PLSCR1: variants seen among roughly 807,000 people sequenced by gnomAD.
PLSCR1 encodes PL scramblase 1.
A neutral mutation model predicts 37.8 loss-of-function variants in PLSCR1; 17 were observed. The ratio of observed to expected loss-of-function variants is 0.45; its 90% CI spans 0.31 to 0.68. The LOEUF (loss-of-function observed/expected upper bound fraction) is 0.68, where lower values mean the gene tolerates loss of function less well. Ranked by LOEUF, PLSCR1 falls within the 30% of genes least tolerant of loss-of-function variation. PLSCR1 has a pLI of 0.06. For missense variants in PLSCR1, 347 were observed against 380.9 expected, an observed-to-expected ratio of 0.91 and a Z score of 0.74; for synonymous variants, 116 against 125.9, an observed-to-expected ratio of 0.92 and a Z score of 0.53.
intron 3 of PLSCR1, among the ~76,000 whole-genome samples, chr3:146,530,898 A>G (rs2044189049): frequency 6.6e-6 from 1 of 152,238 alleles, no homozygotes; most frequent in Admixed American, 6.5e-5. Context: ...GTGGAAAAGC[A>G]TTAGAATTTA....
rs2043960304 is a variant in PLSCR1, at chr3:146,517,302, C to T, written c.739-135G>A. 6.9e-6 allele frequency: 3 copies of T among 432,940 alleles called. No homozygotes were observed. In the South Asian group the frequency reaches 2.1e-4, roughly 30 times the overall value. 26.8% of individuals were successfully genotyped at this position (432,940 alleles called of 1,614,324 possible). A position where few individuals can be genotyped will look rare whatever the true frequency, so the allele number is the denominator to read the frequency against. On this transcript the variant is annotated intron_variant, in intron 7 of 8. Coordinates refer to ENST00000342435, the MANE Select transcript of PLSCR1 (RefSeq NM_021105.3). ...GTAACCCTCATTAGATAACTGGAGG[C>T]TCCTGTATCTATTTATAGATATATG...
At chr3:146,534,990 T>C (rs892422567) in intron 2 of PLSCR1, among the ~76,000 whole-genome samples, 11 of 152,128 alleles carry the variant, frequency 7.2e-5, no homozygotes, top group African/African-American at 2.4e-4. Flanking sequence ...CACAAATCTC[T>C]GAAACTCCCC....
intron 1 of PLSCR1, among the ~76,000 whole-genome samples, chr3:146,540,474 A>C (rs1213107186): frequency 6.6e-6 from 1 of 152,158 alleles, no homozygotes; most frequent in Non-Finnish European, 1.5e-5. Context: ...CTTTTGACCC[A>C]TCTCTTGAGG....
In PLSCR1 at chr3:146,517,006, A is replaced by T. The variant is rs1236784058; in HGVS notation, c.900T>A (p.Ile300=). The T allele has an allele frequency of 1.9e-6, 3 of 1,576,570 alleles. No individual in the cohort carries two copies. The highest frequency in any genetic ancestry group is 1.7e-4 in the Middle Eastern group (1 of 6,008). Residue 300 remains isoleucine, a splice_region_variant and synonymous_variant, in exon 8 of 9, where the codon ATT becomes ATA. Transcript: ENST00000342435. ...KAVMIGACFL[I]DFMFFESTGS... ...TCAAGATTAATAAGAACAGACTTAC[A>T]ATGAGGAAACAGGCACCAATCATTA...
chr3:146,525,688 T>A (rs1183087764), intron 4 of PLSCR1, 41 bp from the exon 5 acceptor site: 14 of 966,994 alleles, frequency 1.4e-5, no homozygotes, highest in Middle Eastern at 2.2e-4. Context: ...ATATGTCAAA[T>A]GAAGGTTTTT....
chr3:146,528,569 A>G (rs1172577712), intron 4 of PLSCR1, 45 bp downstream of exon 4: 1 of 1,464,586 alleles, frequency 6.8e-7, no homozygotes, highest in Non-Finnish European at 9.6e-7. Context: ...GCAAGCTGGA[A>G]GCACAGTTCT....
intron 2 of PLSCR1, 35 bp downstream of exon 2, chr3:146,536,505 A>C: frequency 9.5e-7 from 1 of 1,055,618 alleles, no homozygotes. Flanking sequence ...TAACATTATA[A>C]GGAGGAAAGT....
At chr3:146,537,294 T>C (rs2044278294) in intron 1 of PLSCR1, among the ~76,000 whole-genome samples, 1 of 152,158 alleles carries the variant, frequency 6.6e-6, no homozygotes, top group Non-Finnish European at 1.5e-5. Flanking sequence ...TTTTTCCCAC[T>C]ACTATCCTGT....
chr3:146,542,248 T>A (rs2108679534), intron 1 of PLSCR1, among the ~76,000 whole-genome samples: 1 of 152,300 alleles, frequency 6.6e-6, no homozygotes, highest in South Asian at 2.1e-4. Flanking sequence ...CCAGGACTTC[T>A]ACCTGTGAGG....
intron 1 of PLSCR1, among the ~76,000 whole-genome samples, chr3:146,539,134 A>G (rs1036801459): frequency 1.9e-4 from 29 of 152,186 alleles, no homozygotes; most frequent in African/African-American, 7.0e-4. Flanking sequence ...GGGAGCCCTG[A>G]GCTTGTTTTC....
chr3:146,537,106 G>C, intron 1 of PLSCR1, among the ~76,000 whole-genome samples: 1 of 149,064 alleles, frequency 6.7e-6, no homozygotes, highest in East Asian at 2.0e-4. Flanking sequence ...AGACGACTCC[G>C]TGCATTCAGA....
At chr3:146,521,445 G>A in intron 7 of PLSCR1, 99 bp downstream of exon 7, 2 of 998,698 alleles carry the variant, frequency 2.0e-6, no homozygotes, top group Non-Finnish European at 3.0e-6. Context: ...TTGAGACATT[G>A]GCACACAACA....
At chr3:146,525,399 C>A in intron 5 of PLSCR1, 1 of 498,788 alleles carries the variant, frequency 2.0e-6, no homozygotes, top group Non-Finnish European at 3.6e-6. Context: ...GTGTCAATAT[C>A]CCGAGGGCAG....
chr3:146,524,097 A>C (rs2044071702), intron 5 of PLSCR1, among the ~76,000 whole-genome samples: 1 of 152,194 alleles, frequency 6.6e-6, no homozygotes, highest in African/African-American at 2.4e-5. Flanking sequence ...TCTGATTTCA[A>C]CATCTGAAAT....
intron 8 of PLSCR1, 67 bp downstream of exon 8, chr3:146,516,939 T>C (rs554003606): frequency 7.1e-6 from 7 of 984,396 alleles, no homozygotes; most frequent in South Asian, 6.3e-5. Context: ...ATATACACTT[T>C]ACTGAATCAT....
chr3:146,521,913 C>G lies in PLSCR1; in HGVS notation c.496G>C (p.Asp166His). ...GTTATGACTTCTTGACCCATATTAT[C>G]AATAATCCTCAAGGTAAAAGGTCTA... ...PSRPFTLRII[D>H]NMGQEVITLE... Residue 166 changes from aspartate (D) to histidine (H), a missense_variant, in exon 6 of 9, where the codon GAT becomes CAT. Asp to His is a moderately conservative substitution (Grantham distance 81). Transcript: ENST00000342435. 1 of 1,613,628 alleles carries G rather than the reference C, an allele frequency of 6.2e-7. No individual in the cohort carries two copies. The highest frequency in any genetic ancestry group is 8.5e-7 in the Non-Finnish European group (1 of 1,179,604).
intron 2 of PLSCR1, among the ~76,000 whole-genome samples, chr3:146,535,201 T>C (rs1432817699): frequency 6.6e-6 from 1 of 152,162 alleles, no homozygotes; most frequent in African/African-American, 2.4e-5. Context: ...GTATGTCACA[T>C]TGTGATACCT....
At chr3:146,523,119 C>T (rs1358625709) in intron 5 of PLSCR1, among the ~76,000 whole-genome samples, 1 of 152,220 alleles carries the variant, frequency 6.6e-6, no homozygotes, top group Non-Finnish European at 1.5e-5. Flanking sequence ...TGCCAGTCCC[C>T]TGGGCCCATT....
At position 146,538,839 on chromosome 3, in the gene PLSCR1, A is replaced by G. The variant is rs141406383; in HGVS notation, c.-13-2274T>C. ...CATCATTTTAAAAATAATTTTTCTT[A>G]GCATTTAGTTGTTTTAGGCTTTCAA... On this transcript the variant is annotated intron_variant, in intron 1 of 8. Coordinates refer to ENST00000342435, the MANE Select transcript of PLSCR1 (RefSeq NM_021105.3). 2.3e-3 allele frequency among the ~76,000 whole-genome samples: 355 copies of G among 152,260 alleles called. 2 individuals are homozygous for G. Among genetic ancestry groups the G allele is most frequent in the African/African-American group, 7.7e-3 (318 of 41,540 alleles).
Sources: allele counts gnomAD v4.1 joint callset (sites outside exome capture counted in the v4.1 genomes callset), GRCh38; gene constraint gnomAD v4.1.1; transcripts MANE v1.5; gene names NCBI Gene and HGNC (gene_info 2026-07-23, HGNC 2026-07-21).